The following FSTL5 variants were observed in gnomAD, a reference collection of about 807,000 sequenced individuals.
FSTL5 encodes follistatin like 5.
A neutral mutation model predicts 89.1 loss-of-function variants in FSTL5; 62 were observed. The observed-to-expected ratio is 0.70, with a 90% CI of 0.57 to 0.86. The LOEUF is 0.86. Among genes scored for constraint, FSTL5 ranks in the 40% least tolerant of loss-of-function variants. FSTL5 has a pLI of 0.00. For synonymous variants in FSTL5, 383 were observed against 346.2 expected (o/e 1.11, Z -1.18); for missense variants, 1,057 against 1,001.6 (o/e 1.06, Z -0.75).
chr4:161,416,748 G>A (rs1731797679), intron 15 of FSTL5, among the ~76,000 whole-genome samples: 1 of 151,820 alleles, frequency 6.6e-6, no homozygotes, highest in Non-Finnish European at 1.5e-5. Context: ...GGGAGGCTGA[G>A]GGAGGAGAAT....
intron 6 of FSTL5, among the ~76,000 whole-genome samples, chr4:161,746,547 C>A (rs1052495449): frequency 5.9e-5 from 9 of 152,076 alleles, no homozygotes; most frequent in African/African-American, 2.2e-4. Context: ...CACCATGGGC[C>A]AATTTCAGGT....
chr4:161,618,982 C>G (rs1735003291), intron 7 of FSTL5, among the ~76,000 whole-genome samples: 1 of 152,064 alleles, frequency 6.6e-6, no homozygotes, highest in Non-Finnish European at 1.5e-5. Flanking sequence ...GTACTGGTAC[C>G]AAAACAGAGA....
chr4:161,579,006 A>C (rs1485436179), intron 8 of FSTL5, among the ~76,000 whole-genome samples: 3 of 152,218 alleles, frequency 2.0e-5, no homozygotes, highest in Non-Finnish European at 4.4e-5. Flanking sequence ...ATGAAAATTC[A>C]GAAATTCAGT....
chr4:161,965,194 A>G (rs927499183), intron 3 of FSTL5, among the ~76,000 whole-genome samples: 1 of 152,068 alleles, frequency 6.6e-6, no homozygotes, highest in African/African-American at 2.4e-5. Context: ...TTCAATATCC[A>G]TGACCTGTTT....
At chr4:161,733,175 T>A (rs1256254828) in intron 6 of FSTL5, among the ~76,000 whole-genome samples, 1 of 151,996 alleles carries the variant, frequency 6.6e-6, no homozygotes, top group Non-Finnish European at 1.5e-5. Context: ...TTGGCCTTTG[T>A]ATTGCACTTG....
At chr4:162,029,166 A>AGTGT (rs10604800) in intron 3 of FSTL5, among the ~76,000 whole-genome samples, 101 of 120,688 alleles carry the variant, frequency 8.4e-4, no homozygotes, top group Admixed American at 1.4e-3. Flanking sequence ...AGAGAGAGAG[A>AGTGT]GTGTGTGTGT....
chr4:161,398,046 T>C (rs1009337809), intron 15 of FSTL5, among the ~76,000 whole-genome samples: 8 of 152,056 alleles, frequency 5.3e-5, no homozygotes, highest in South Asian at 2.1e-4. Context: ...ATCTCTCATA[T>C]AGTATTGGTA....
At chr4:162,055,511 TGATAGATAGAGGATGATA>T (rs1308772234) in intron 2 of FSTL5, among the ~76,000 whole-genome samples, 2 of 135,638 alleles carry the variant, frequency 1.5e-5, no homozygotes, top group Non-Finnish European at 3.1e-5. Flanking sequence ...AATAGATAGA[TGATAGATAGAGGATGATA>T]GATAGATAGA....
At chr4:161,488,506 T>C (rs1204300914) in intron 12 of FSTL5, among the ~76,000 whole-genome samples, 3 of 152,022 alleles carry the variant, frequency 2.0e-5, no homozygotes, top group African/African-American at 7.2e-5. Context: ...AATAGTGTAT[T>C]AGAGAGGTTA....
intron 4 of FSTL5, among the ~76,000 whole-genome samples, chr4:161,842,958 C>A (rs1325504981): frequency 6.6e-6 from 1 of 151,998 alleles, no homozygotes; most frequent in Non-Finnish European, 1.5e-5. Context: ...ATGGTGTTTG[C>A]CCCACTATAT....
chr4:161,887,181 T>A (rs1218648398), intron 4 of FSTL5, among the ~76,000 whole-genome samples: 6 of 152,176 alleles, frequency 3.9e-5, no homozygotes, highest in Admixed American at 3.9e-4. Context: ...AGCCAGTTAT[T>A]TAAGCACAAA....
At chr4:161,685,689 A>G (rs1737685417) in intron 6 of FSTL5, among the ~76,000 whole-genome samples, 1 of 152,138 alleles carries the variant, frequency 6.6e-6, no homozygotes, top group Non-Finnish European at 1.5e-5. Context: ...TTGGTAAACA[A>G]TCATATCATT....
chr4:161,694,325 T>A (rs538397513), intron 6 of FSTL5, among the ~76,000 whole-genome samples: 6 of 152,282 alleles, frequency 3.9e-5, no homozygotes, highest in Admixed American at 3.3e-4. Context: ...GGTAGGTACC[T>A]TAGGCTTTGT....
intron 10 of FSTL5, among the ~76,000 whole-genome samples, chr4:161,518,882 A>G (rs1040377775): frequency 6.6e-6 from 1 of 152,124 alleles, no homozygotes; most frequent in African/African-American, 2.4e-5. Flanking sequence ...ATGAGGTTAC[A>G]TTCATCTGAA....
At chr4:161,619,781 C>T (rs1019689852) in intron 7 of FSTL5, among the ~76,000 whole-genome samples, 15 of 152,024 alleles carry the variant, frequency 9.9e-5, no homozygotes, top group African/African-American at 1.4e-4. Context: ...GTCAGTGTGG[C>T]GATTCCTCAG....
chr4:161,754,123 T>C (rs1486581254), intron 6 of FSTL5, among the ~76,000 whole-genome samples: 1 of 151,192 alleles, frequency 6.6e-6, no homozygotes, highest in Non-Finnish European at 1.5e-5. Flanking sequence ...ATTAGGTGAT[T>C]TAAATTTTTT....
chr4:162,039,448 T>A (rs1352078288), intron 2 of FSTL5, among the ~76,000 whole-genome samples: 6 of 151,850 alleles, frequency 4.0e-5, no homozygotes, highest in African/African-American at 1.4e-4. Context: ...AAAAGGAAAA[T>A]CCCTGTGAAA....
intron 6 of FSTL5, among the ~76,000 whole-genome samples, chr4:161,688,308 C>T (rs917296747): frequency 6.6e-6 from 1 of 152,156 alleles, no homozygotes; most frequent in African/African-American, 2.4e-5. Flanking sequence ...GTCTCAGGCT[C>T]CTGTCTTCAA....
intron 3 of FSTL5, among the ~76,000 whole-genome samples, chr4:161,982,501 C>T (rs1735851672): frequency 6.6e-6 from 1 of 152,190 alleles, no homozygotes; most frequent in African/African-American, 2.4e-5. Flanking sequence ...TATTTTCCCA[C>T]TCTTGTGTTT....
Sources: allele counts gnomAD v4.1 joint callset (sites outside exome capture counted in the v4.1 genomes callset), GRCh38; gene constraint gnomAD v4.1.1; transcripts MANE v1.5; gene names NCBI Gene and HGNC (gene_info 2026-07-23, HGNC 2026-07-21).